ZNF536: variants seen among roughly 807,000 people sequenced by gnomAD.
The protein encoded by ZNF536 is zinc finger protein 536.
In ZNF536, 13 loss-of-function variants were observed where a neutral mutation model predicts 84.5. The ratio of observed to expected loss-of-function variants is 0.15; its 90% CI spans 0.10 to 0.24. The LOEUF (loss-of-function observed/expected upper bound fraction) is 0.24. ZNF536 is among the 10% of genes least tolerant of loss of function. The pLI is 1.00. For synonymous variants in ZNF536, 811 were observed against 742.5 expected (o/e 1.09, Z -1.50); for missense variants, 1,536 against 1,747.5 (o/e 0.88, Z 2.16).
chr19:30,238,083 G>T (rs975517675), intron 1 of ZNF536, among the ~76,000 whole-genome samples: 2 of 152,200 alleles, frequency 1.3e-5, no homozygotes, highest in Non-Finnish European at 2.9e-5. Flanking sequence ...GATTAAAAGA[G>T]AAAATGATTA....
intron 1 of ZNF536, among the ~76,000 whole-genome samples, chr19:30,649,898 G>A (rs2049633582): frequency 7.5e-6 from 1 of 133,652 alleles, no homozygotes; most frequent in African/African-American, 3.1e-5. Flanking sequence ...TATTTGCTTT[G>A]ATAATCTTAA....
intron 3 of ZNF536, among the ~76,000 whole-genome samples, chr19:30,542,333 C>A (rs56199929): frequency 1.3e-5 from 2 of 151,936 alleles, no homozygotes; most frequent in African/African-American, 4.8e-5. Flanking sequence ...AAATAGGTAC[C>A]GTGAACTAAT....
intron 1 of ZNF536, among the ~76,000 whole-genome samples, chr19:30,235,800 C>T (rs2023449853): frequency 6.6e-6 from 1 of 152,252 alleles, no homozygotes; most frequent in African/African-American, 2.4e-5. Flanking sequence ...AGTCTTACTG[C>T]AATTAGAGCT....
intron 2 of ZNF536, among the ~76,000 whole-genome samples, chr19:30,287,333 GGGTAGGTGGGTA>G (rs2045668250): frequency 3.3e-5 from 5 of 151,790 alleles, no homozygotes; most frequent in Middle Eastern, 3.4e-3. Context: ...ATGGGTGGGT[GGGTAGGTGGGTA>G]GATGGATGGG....
chr19:30,459,415 G>T (rs10411634), intron 2 of ZNF536, among the ~76,000 whole-genome samples: 2 of 144,108 alleles, frequency 1.4e-5, no homozygotes, highest in East Asian at 4.1e-4. Context: ...CCATGGCTCC[G>T]TCTTGGCTCA....
chr19:30,294,060 G>T (rs2045923748), intron 2 of ZNF536, among the ~76,000 whole-genome samples: 1 of 152,142 alleles, frequency 6.6e-6, no homozygotes, highest in Non-Finnish European at 1.5e-5. Context: ...ATTTGACCTT[G>T]AGTTCCCTGA....
chr19:30,608,422 T>G lies in ZNF536; in HGVS notation c.169+58908T>G, dbSNP rs1424694370. Among the ~76,000 whole-genome samples, 7 of 152,158 alleles carry G rather than the reference T, an allele frequency of 4.6e-5. No individual in the cohort carries two copies. The East Asian group carries it at 7.8e-4, about 17-fold the overall frequency. ...GCAGATGTGAGACCCGGGAGACTTGTGTAGGGTGATATGATGCATACCAAA... is the reference window on the plus strand; with the variant it reads ...GCAGATGTGAGACCCGGGAGACTTGGGTAGGGTGATATGATGCATACCAAA... On this transcript the variant is annotated intron_variant, in intron 1 of 1. Coordinates refer to the ZNF536 transcript ENST00000592773.
At chr19:30,370,489 G>A (rs1488505213), upstream of ZNF536, among the ~76,000 whole-genome samples, 1 of 152,162 alleles carries the variant, frequency 6.6e-6, no homozygotes, top group Non-Finnish European at 1.5e-5. Flanking sequence ...TGTATGGATT[G>A]CTGGCGGAAC....
chr19:30,592,867 C>G (rs2047323409), intron 1 of ZNF536, among the ~76,000 whole-genome samples: 1 of 152,208 alleles, frequency 6.6e-6, no homozygotes, highest in African/African-American at 2.4e-5. Context: ...TTAGGTGTTA[C>G]ATGAATAATT....
At chr19:30,524,794 A>G (rs1422242345) in intron 2 of ZNF536, among the ~76,000 whole-genome samples, 1 of 152,184 alleles carries the variant, frequency 6.6e-6, no homozygotes, top group African/African-American at 2.4e-5. Context: ...AGTAAAATAA[A>G]TTACGTAGAC....
chr19:30,340,514 GA>G (rs1769813200), intron 2 of ZNF536, among the ~76,000 whole-genome samples: 1 of 152,134 alleles, frequency 6.6e-6, no homozygotes, highest in Non-Finnish European at 1.5e-5. Flanking sequence ...ATATATCTCA[GA>G]GGCAAACATT....
intron 1 of ZNF536, among the ~76,000 whole-genome samples, chr19:30,652,044 A>G (rs1315333924): frequency 6.6e-6 from 1 of 152,220 alleles, no homozygotes; most frequent in African/African-American, 2.4e-5. Flanking sequence ...TCTTCATGTT[A>G]TGTTTACCAA....
chr19:30,663,118 A>T (rs913854517), intron 1 of ZNF536, among the ~76,000 whole-genome samples: 1 of 152,068 alleles, frequency 6.6e-6, no homozygotes, highest in Admixed American at 6.5e-5. Context: ...GTGCAGGTTT[A>T]AACAGTGGGC....
At chr19:30,660,834 G>T (rs967360389) in intron 1 of ZNF536, among the ~76,000 whole-genome samples, 13 of 152,214 alleles carry the variant, frequency 8.5e-5, no homozygotes, top group African/African-American at 2.9e-4. Context: ...AGGTCACAAT[G>T]GTGATGTTCA....
At chr19:30,292,513 G>A (rs573938097) in intron 2 of ZNF536, among the ~76,000 whole-genome samples, 23 of 151,788 alleles carry the variant, frequency 1.5e-4, no homozygotes, top group Admixed American at 3.3e-4. Context: ...GTATTTTTTC[G>A]TAGAGACACG....
At chr19:30,545,619 G>A (rs948188658) in intron 3 of ZNF536, among the ~76,000 whole-genome samples, 1 of 151,764 alleles carries the variant, frequency 6.6e-6, no homozygotes, top group African/African-American at 2.4e-5. Flanking sequence ...GGATGGTCTC[G>A]ATCTCCTGAC....
intron 1 of ZNF536, among the ~76,000 whole-genome samples, chr19:30,565,259 T>C (rs1330721842): frequency 6.6e-6 from 1 of 151,836 alleles, no homozygotes; most frequent in African/African-American, 2.4e-5. Flanking sequence ...CTGCCTGCCC[T>C]GCTTCTTCAA....
intron 3 of ZNF536, among the ~76,000 whole-genome samples, chr19:30,352,734 T>C (rs532663211): frequency 2.0e-5 from 3 of 152,014 alleles, no homozygotes; most frequent in Non-Finnish European, 4.4e-5. Context: ...TTGGGTGTGT[T>C]TGGGGATGGG....
At chr19:30,227,477 T>C (rs2022678547), upstream of ZNF536, among the ~76,000 whole-genome samples, 1 of 152,112 alleles carries the variant, frequency 6.6e-6, no homozygotes, top group South Asian at 2.1e-4. Flanking sequence ...GGGTTTTGTT[T>C]GCCAGATATT....
Sources: gnomAD v4.1 joint callset for allele counts (sites outside exome capture counted in the v4.1 genomes callset) on GRCh38, gnomAD v4.1.1 for gene constraint, MANE v1.5 for transcripts, NCBI Gene and HGNC (gene_info 2026-07-23, HGNC 2026-07-21) for gene names.